TRHDE: variants seen among roughly 807,000 people sequenced by gnomAD.
TRHDE encodes the protein thyrotropin-releasing hormone-degrading ectoenzyme.
Under a neutral mutation model 125.7 loss-of-function variants are expected in TRHDE, and 72 were observed. The ratio of observed to expected loss-of-function variants is 0.57; its 90% confidence interval spans 0.47 to 0.70. The LOEUF (loss-of-function observed/expected upper bound fraction) is 0.70. Among genes scored for constraint, TRHDE ranks in the 30% least tolerant of loss-of-function variants. The pLI is 0.00. For missense variants in TRHDE, 1,110 were observed against 1,327.1 expected (o/e 0.84, Z 2.54); for synonymous variants, 509 against 509.1 (o/e 1.00, Z 0.00).
At position 72,664,449 on chromosome 12, in the gene TRHDE, G is replaced by T. The variant is rs1400299549; in HGVS notation, c.*1254G>T. On this transcript the variant is annotated 3_prime_UTR_variant, in exon 19 of 19. Coordinates refer to ENST00000261180, the MANE Select transcript of TRHDE (RefSeq NM_013381.3). The stretch of plus-strand genomic sequence containing the variant: ...CTTAAGATGAAAAGTTCCTTTTCTT[G>T]TGTTAATGTACAAAGCTTTTCTTTT... The T allele has an allele frequency of 1.3e-5, 2 of 152,406 alleles. No homozygotes were observed. The highest frequency in any genetic ancestry group is 4.8e-5 in the African/African-American group (2 of 41,404). The allele number at this position is 152,406 out of a possible 1,614,324, so 9.4% of individuals were successfully genotyped here. A position where few individuals can be genotyped will look rare whatever the true frequency, so the allele number is the denominator to read the frequency against.
intron 6 of TRHDE, among the ~76,000 whole-genome samples, chr12:72,525,630 TGTGTGAGAGA>T (rs1004963406): frequency 2.0e-5 from 3 of 148,366 alleles, no homozygotes; most frequent in African/African-American, 7.6e-5. Flanking sequence ...TGTGTGTGTG[TGTGTGAGAGA>T]GAGAGAGAGA....
At chr12:72,334,724 C>A (rs4131477) in intron 2 of TRHDE, among the ~76,000 whole-genome samples, 52,756 of 152,028 alleles carry the variant, frequency 0.35, 9,878 homozygotes, top group Non-Finnish European at 0.43. Flanking sequence ...GAAAACCCAG[C>A]CTTAGTAGGC....
At chr12:72,143,449 T>C (rs544008938) in intron 2 of TRHDE, among the ~76,000 whole-genome samples, 1 of 151,876 alleles carries the variant, frequency 6.6e-6, no homozygotes, top group Non-Finnish European at 1.5e-5. Flanking sequence ...GAGAGAGCAT[T>C]CTGTTTTCTG....
At position 72,652,229 on chromosome 12, in the gene TRHDE, AACTG is replaced by A. The variant is rs202154199; in HGVS notation, c.2676-88_2676-85del. 1.6e-3 allele frequency: 1,424 copies of A among 863,926 alleles called. 13 individuals are homozygous for A. The African/African-American group carries it at 0.021, about 13-fold the overall frequency. 53.5% of individuals were successfully genotyped at this position (863,926 alleles called of 1,614,324 possible). On this transcript the variant is annotated intron_variant, in intron 15 of 18. Transcript: ENST00000261180. ...TAATTAGCAAAATAATCTTTTAAAA[AACTG>A]ACTGTAGTAAATAAAGCAAAACCTG...
chr12:72,303,494 A>G (rs1045443125), intron 2 of TRHDE, among the ~76,000 whole-genome samples: 3 of 152,166 alleles, frequency 2.0e-5, no homozygotes, highest in Non-Finnish European at 4.4e-5. Flanking sequence ...TGCATATTAG[A>G]GTCACCTGGG....
intron 2 of TRHDE, among the ~76,000 whole-genome samples, chr12:72,292,627 T>C (rs539083466): frequency 6.6e-6 from 1 of 152,290 alleles, no homozygotes; most frequent in South Asian, 2.1e-4. Flanking sequence ...AGGTCCCCTT[T>C]CCTTCAGCTT....
intron 2 of TRHDE, among the ~76,000 whole-genome samples, chr12:72,128,503 T>G (rs774142630): frequency 1.3e-5 from 2 of 152,186 alleles, no homozygotes; most frequent in Non-Finnish European, 2.9e-5. Flanking sequence ...ATGTTAAATT[T>G]TTTTAGACAA....
At chr12:72,430,400 C>A (rs1004686709) in intron 3 of TRHDE, among the ~76,000 whole-genome samples, 2 of 136,892 alleles carry the variant, frequency 1.5e-5, no homozygotes, top group Non-Finnish European at 3.1e-5. Flanking sequence ...TATACACACA[C>A]GTATATATAT....
At chr12:72,343,666 T>C (rs1421271288) in intron 2 of TRHDE, among the ~76,000 whole-genome samples, 7 of 152,294 alleles carry the variant, frequency 4.6e-5, no homozygotes, top group Non-Finnish European at 1.5e-5. Context: ...TCATAACTGA[T>C]GATGAGTATT....
chr12:72,542,432 C>A lies in TRHDE; in HGVS notation c.1788+76C>A, dbSNP rs1434091032. On this transcript the variant is annotated intron_variant, in intron 7 of 18. Coordinates refer to ENST00000261180, the MANE Select transcript of TRHDE (RefSeq NM_013381.3). ...TTCACAGCTTAGGAAATGGCTAATA[C>A]AAAATTGCTGAACTTGGTGGAAAAC... 7.2e-6 allele frequency: 9 copies of A among 1,245,060 alleles called. No homozygotes were observed. In the Admixed American group the frequency reaches 1.7e-4, roughly 23 times the overall value. The allele number at this position is 1,245,060 out of a possible 1,614,324, so 77.1% of individuals were successfully genotyped here.
rs190851125 is a variant in TRHDE, at chr12:72,325,027, C to T, written c.1188+38073C>T. On this transcript the variant is annotated intron_variant, in intron 2 of 18. Transcript: ENST00000261180. ...CTGTGAGCTTTTGAGCCAAAATGTT[C>T]CTCTTGGGGATACCAAAAGAAAGGG... Among the ~76,000 whole-genome samples the T allele has an allele frequency of 6.1e-3, 933 of 152,032 alleles. 10 individuals carry two copies. Among genetic ancestry groups the T allele is most frequent in the African/African-American group, 0.021 (878 of 41,450 alleles).
chr12:72,244,247 T>C (rs1878533843), intron 2 of TRHDE, among the ~76,000 whole-genome samples: 1 of 152,220 alleles, frequency 6.6e-6, no homozygotes, highest in Non-Finnish European at 1.5e-5. Context: ...TATGTTACAC[T>C]GACATACTTC....
At chr12:72,127,541 G>A (rs924420833) in intron 2 of TRHDE, among the ~76,000 whole-genome samples, 3 of 152,160 alleles carry the variant, frequency 2.0e-5, no homozygotes, top group Admixed American at 6.5e-5. Flanking sequence ...GCAGCAACAT[G>A]GATTCAGTTG....
intron 3 of TRHDE, among the ~76,000 whole-genome samples, chr12:72,456,666 T>C (rs1875869193): frequency 6.6e-6 from 1 of 152,070 alleles, no homozygotes. Context: ...AGTATTTACA[T>C]TAGGAGAAAC....
intron 6 of TRHDE, among the ~76,000 whole-genome samples, chr12:72,508,838 G>A (rs954625834): frequency 3.3e-5 from 5 of 152,086 alleles, no homozygotes; most frequent in African/African-American, 1.2e-4. Context: ...TCTCATGATA[G>A]TGAATGAGTT....
At chr12:72,215,506 G>C (rs1877870350) in intron 2 of TRHDE, among the ~76,000 whole-genome samples, 1 of 152,194 alleles carries the variant, frequency 6.6e-6, no homozygotes. Context: ...ACATGGGTTA[G>C]AGCCAGCTTA....
At chr12:72,256,034 T>C (rs1028650962) in intron 2 of TRHDE, 1 of 152,172 alleles carries the variant, frequency 6.6e-6, no homozygotes, top group Non-Finnish European at 1.5e-5. Context: ...TATCTTTCAG[T>C]GAATGTTCAT....
At chr12:72,270,640 T>TTTTC (rs3840777), upstream of TRHDE, among the ~76,000 whole-genome samples, 34,362 of 151,868 alleles carry the variant, frequency 0.23, 4,555 homozygotes, top group Middle Eastern at 0.37. Flanking sequence ...AATTACCTAA[T>TTTTC]TTTCTATTAT....
chr12:72,609,863 T>G (rs1872571742), intron 12 of TRHDE, among the ~76,000 whole-genome samples: 1 of 144,570 alleles, frequency 6.9e-6, no homozygotes, highest in Non-Finnish European at 1.5e-5. Flanking sequence ...GGCAGTAGAC[T>G]CAACCTCTGA....
Sources: gnomAD v4.1 joint callset for allele counts (sites outside exome capture counted in the v4.1 genomes callset) on GRCh38, gnomAD v4.1.1 for gene constraint, MANE v1.5 for transcripts, NCBI Gene and HGNC (gene_info 2026-07-23, HGNC 2026-07-21) for gene names.